The following METTL8 variants were observed in gnomAD, a reference collection of about 807,000 sequenced individuals.
METTL8 encodes the protein tRNA N(3)-cytidine methyltransferase METTL8, mitochondrial.
Under a neutral mutation model 48.7 loss-of-function variants are expected in METTL8, and 32 were observed. The ratio of observed to expected loss-of-function variants is 0.66; its 90% CI spans 0.50 to 0.88. The LOEUF is 0.88. Among genes scored for constraint, METTL8 ranks in the 40% least tolerant of loss-of-function variants. METTL8 has a pLI of 0.00. For synonymous variants in METTL8, 136 were observed against 157.1 expected (o/e 0.87, Z 1.01); for missense variants, 464 against 474.4 (o/e 0.98, Z 0.20).
intron 1 of METTL8, among the ~76,000 whole-genome samples, chr2:171,408,288 GTTTTTTTGT>G (rs1288759047): frequency 7.3e-6 from 1 of 136,350 alleles, no homozygotes; most frequent in African/African-American, 3.3e-5. Context: ...GAATTCTACA[GTTTTTTTGT>G]TTTTTTTTTT....
chr2:171,350,280 A>G (rs1359522279), intron 3 of METTL8, among the ~76,000 whole-genome samples: 3 of 152,218 alleles, frequency 2.0e-5, no homozygotes, highest in Non-Finnish European at 4.4e-5. Context: ...CGTCCCTACA[A>G]AGGACATGAA....
chr2:171,333,647 C>G (rs1038662047), intron 5 of METTL8, among the ~76,000 whole-genome samples: 2 of 152,170 alleles, frequency 1.3e-5, no homozygotes, highest in Admixed American at 6.5e-5. Context: ...CTGTTTTTTT[C>G]TGATTAAATC....
At chr2:171,352,351 G>A (rs1474539345) in intron 3 of METTL8, among the ~76,000 whole-genome samples, 2 of 152,172 alleles carry the variant, frequency 1.3e-5, no homozygotes, top group African/African-American at 2.4e-5. Flanking sequence ...TGTGCTCCTG[G>A]ATTCAGTTTG....
intron 2 of METTL8, among the ~76,000 whole-genome samples, chr2:171,376,508 T>A (rs1384503467): frequency 6.6e-6 from 1 of 152,190 alleles, no homozygotes; most frequent in Non-Finnish European, 1.5e-5. Context: ...AGTTTCAGGA[T>A]ACAAAATCAA....
At chr2:171,396,563 C>T (rs1000024398) in intron 1 of METTL8, among the ~76,000 whole-genome samples, 4 of 152,052 alleles carry the variant, frequency 2.6e-5, no homozygotes, top group Admixed American at 6.5e-5. Flanking sequence ...TTCTAATAGG[C>T]AGCATATTGT....
chr2:171,365,265 A>G (rs1248398373), intron 2 of METTL8, among the ~76,000 whole-genome samples: 1 of 152,022 alleles, frequency 6.6e-6, no homozygotes, highest in Admixed American at 6.5e-5. Context: ...ACCCACTCCC[A>G]CTCATTTTAG....
chr2:171,337,883 C>A (rs1176342483), intron 4 of METTL8, among the ~76,000 whole-genome samples: 1 of 150,530 alleles, frequency 6.6e-6, no homozygotes, highest in African/African-American at 2.4e-5. Flanking sequence ...AAGTATGTGA[C>A]CTACTTAGTC....
At chr2:171,429,124 A>G (rs1340822287) in intron 1 of METTL8, among the ~76,000 whole-genome samples, 1 of 136,494 alleles carries the variant, frequency 7.3e-6, no homozygotes, top group African/African-American at 3.4e-5. Context: ...AAATCTTTCA[A>G]AAAAAAAAAA....
At chr2:171,397,472 T>G (rs1183014649) in intron 1 of METTL8, among the ~76,000 whole-genome samples, 1 of 148,586 alleles carries the variant, frequency 6.7e-6, no homozygotes, top group African/African-American at 2.5e-5. Flanking sequence ...GAGGATCACT[T>G]GAGTTCAGGA....
intron 2 of METTL8, among the ~76,000 whole-genome samples, chr2:171,364,492 G>C (rs915064312): frequency 1.3e-5 from 2 of 151,994 alleles, no homozygotes; most frequent in Non-Finnish European, 2.9e-5. Context: ...CTCAAAAATA[G>C]AAGATTTTTG....
In METTL8 at chr2:171,433,987, G is replaced by A. The variant is rs7563499; in HGVS notation, c.-117C>T. The A allele has an allele frequency of 0.028, 6,031 of 214,884 alleles. 374 individuals carry two copies. The highest frequency in any genetic ancestry group is 0.13 in the African/African-American group (5,370 of 41,758). 13.3% of individuals were successfully genotyped at this position (214,884 alleles called of 1,614,324 possible). A position where few individuals can be genotyped will look rare whatever the true frequency, so the allele number is the denominator to read the frequency against. ...CGAAGGTCGGGGCCGAGAAGCTTGTGAGTACCGGGGCAGTGAGGGAGGGAT... is the reference window on the plus strand; with the variant it reads ...CGAAGGTCGGGGCCGAGAAGCTTGTAAGTACCGGGGCAGTGAGGGAGGGAT... On this transcript the variant is annotated 5_prime_UTR_variant, in exon 1 of 10. Transcript: ENST00000375258.
Position 171,373,851 on chromosome 2 carries a change from G to A in METTL8, c.144-13338C>T, listed in dbSNP as rs558676130. 3.3e-5 allele frequency among the ~76,000 whole-genome samples: 5 copies of A among 152,208 alleles called. No homozygotes were observed. The South Asian group carries it at 6.2e-4, about 19-fold the overall frequency. ...TCCATTGGTCTATATCTCTGTTTTGGTACCAGTACCATGCTGTTTTGGTTA... is the reference window on the plus strand; with the variant it reads ...TCCATTGGTCTATATCTCTGTTTTGATACCAGTACCATGCTGTTTTGGTTA... On this transcript the variant is annotated intron_variant, in intron 2 of 9. Transcript: ENST00000375258.
intron 1 of METTL8, among the ~76,000 whole-genome samples, chr2:171,400,803 T>C (rs946111868): frequency 1.3e-5 from 2 of 152,144 alleles, no homozygotes; most frequent in African/African-American, 4.8e-5. Flanking sequence ...TTAATACTAC[T>C]AGAGGAACAC....
rs147855258 is a variant in METTL8 at position 171,345,630 on chromosome 2, C to T, written c.236-6076G>A. 1.9e-3 allele frequency among the ~76,000 whole-genome samples: 289 copies of T among 152,152 alleles called. 5 individuals are homozygous for T. The East Asian group carries it at 0.028, about 15-fold the overall frequency. ...CTCTATATATTTTTTTCACATAGAA[C>T]ATTTTCTCAATGGTAAGGTATTCAC... is the stretch of plus-strand genomic sequence containing the variant. On this transcript the variant is annotated intron_variant, in intron 3 of 9. Transcript: ENST00000375258.
chr2:171,361,885 T>C (rs1685203219), intron 2 of METTL8, among the ~76,000 whole-genome samples: 1 of 152,174 alleles, frequency 6.6e-6, no homozygotes, highest in Non-Finnish European at 1.5e-5. Context: ...CAGTGAAACA[T>C]GCATGGCTAG....
intron 1 of METTL8, among the ~76,000 whole-genome samples, chr2:171,396,320 A>G (rs1471059765): frequency 3.3e-5 from 5 of 152,104 alleles, no homozygotes; most frequent in Non-Finnish European, 7.4e-5. Context: ...TATTAAAATC[A>G]TACAGAGTGT....
intron 3 of METTL8, among the ~76,000 whole-genome samples, chr2:171,347,022 A>G (rs562664370): frequency 1.8e-4 from 27 of 152,272 alleles, no homozygotes; most frequent in African/African-American, 6.0e-4. Flanking sequence ...CTTACGTGTG[A>G]TAAGATGGTC....
upstream of METTL8, chr2:171,434,159 C>A (rs1430785646): frequency 1.1e-5 from 4 of 351,800 alleles, no homozygotes; most frequent in Non-Finnish European, 2.3e-5. Flanking sequence ...GGCGGGGCCG[C>A]GGCAGGCAGA....
In METTL8 at chr2:171,341,531, G is replaced by A. The variant is rs982187605; in HGVS notation, c.236-1977C>T. Among the ~76,000 whole-genome samples the A allele has an allele frequency of 2.7e-5, 4 of 150,426 alleles. No individual in the cohort carries two copies. The East Asian group carries it at 7.8e-4, about 29-fold the overall frequency. ...TGGGATTACAGGCGTGAGCTACTGC[G>A]CCTGGCACGTTCCTTTTTTTTCCCT... On this transcript the variant is annotated intron_variant, in intron 3 of 9. Transcript: ENST00000375258.
Sources: allele counts gnomAD v4.1 joint callset (sites outside exome capture counted in the v4.1 genomes callset), GRCh38; gene constraint gnomAD v4.1.1; transcripts MANE v1.5; gene names NCBI Gene and HGNC (gene_info 2026-07-23, HGNC 2026-07-21).